The following CTSH variants were observed in gnomAD, a reference collection of about 807,000 sequenced individuals.
The protein encoded by CTSH is cathepsin H.
Under a neutral mutation model 56.3 loss-of-function variants are expected in CTSH, and 52 were observed. The observed-to-expected ratio is 0.92, with a 90% CI of 0.74 to 1.16. CTSH has a LOEUF of 1.16. CTSH is among the 50% of genes most tolerant of loss of function. CTSH has a pLI of 0.00. For synonymous variants in CTSH, 174 were observed against 155.7 expected, an observed-to-expected ratio of 1.12 and a Z score of -0.88; for missense variants, 406 against 424.5, an observed-to-expected ratio of 0.96 and a Z score of 0.38.
At chr15:78,927,570 T>C (rs2054938533) in intron 9 of CTSH, 143 bp downstream of exon 9, 2 of 708,886 alleles carry the variant, frequency 2.8e-6, no homozygotes, top group East Asian at 2.6e-5. Context: ...TCACAGCGAC[T>C]GAGACCCAGG....
At chr15:78,930,678 G>A (rs1217964496) in intron 7 of CTSH, among the ~76,000 whole-genome samples, 1 of 152,204 alleles carries the variant, frequency 6.6e-6, no homozygotes. Context: ...GGGACACTGA[G>A]CATGATGGTG....
At chr15:78,927,692 C>T (rs1401527447) in intron 9 of CTSH, 21 bp downstream of exon 9, 2 of 1,611,668 alleles carry the variant, frequency 1.2e-6, no homozygotes, top group Non-Finnish European at 1.7e-6. Context: ...TTCCCCATCC[C>T]AGAGGGGGAT....
intron 10 of CTSH, among the ~76,000 whole-genome samples, chr15:78,925,005 G>T (rs896495077): frequency 9.2e-5 from 14 of 151,870 alleles, no homozygotes; most frequent in East Asian, 7.8e-4. Context: ...CTGAACATGG[G>T]TTTTTTTTAA....
At chr15:78,937,450 T>C in intron 2 of CTSH, 27 bp from the exon 3 acceptor site, 2 of 1,590,300 alleles carry the variant, frequency 1.3e-6, no homozygotes, top group Non-Finnish European at 1.7e-6. Context: ...CAGTAGCAAG[T>C]CATGGAAACA....
At chr15:78,941,923 G>A (rs2055303151) in intron 1 of CTSH, among the ~76,000 whole-genome samples, 1 of 151,988 alleles carries the variant, frequency 6.6e-6, no homozygotes, top group African/African-American at 2.4e-5. Flanking sequence ...AAGTAAAATT[G>A]TATCAGAAAT....
chr15:78,930,324 G>A (rs754883350), intron 7 of CTSH, among the ~76,000 whole-genome samples: 13 of 152,136 alleles, frequency 8.5e-5, no homozygotes, highest in African/African-American at 1.9e-4. Context: ...TCAGGGGTTC[G>A]AGACTAGCCT....
intron 2 of CTSH, among the ~76,000 whole-genome samples, chr15:78,938,019 G>A (rs926021646): frequency 6.6e-6 from 1 of 152,156 alleles, no homozygotes; most frequent in Admixed American, 6.5e-5. Context: ...ACAAAATAAT[G>A]ATTGCTTACT....
At chr15:78,941,564 G>T in intron 1 of CTSH, among the ~76,000 whole-genome samples, 1 of 151,900 alleles carries the variant, frequency 6.6e-6, no homozygotes, top group Non-Finnish European at 1.5e-5. Flanking sequence ...AGGCTGAGAC[G>T]GGCGGATCAC....
At position 78,935,068 on chromosome 15, in the gene CTSH, G is replaced by C; in HGVS notation, c.315C>G (p.Thr105=). The change falls in exon 5 of 12, where the codon ACC becomes ACG. Residue 105 remains threonine, a synonymous_variant. Coordinates refer to ENST00000220166, the MANE Select transcript of CTSH (RefSeq NM_004390.5). The part of the protein sequence containing the change: ...LWSEPQNCSA[T]KSNYLRGTGP... ...CAGTACCTCGAAGGTAGTTACTTTTGGTGGCTGAGCAATTCTGGAACAACC... is the reference window on the plus strand; with the variant it reads ...CAGTACCTCGAAGGTAGTTACTTTTCGTGGCTGAGCAATTCTGGAACAACC... 1 of 1,613,378 alleles carries C rather than the reference G, an allele frequency of 6.2e-7. No homozygotes were observed.
chr15:78,932,304 G>A, intron 6 of CTSH, 68 bp downstream of exon 6: 1 of 1,433,640 alleles, frequency 7.0e-7, no homozygotes, highest in Non-Finnish European at 9.8e-7. Flanking sequence ...GGAAACCAAA[G>A]GCCCAGGCCT....
intron 10 of CTSH, among the ~76,000 whole-genome samples, chr15:78,924,937 C>A (rs1416068465): frequency 6.6e-6 from 1 of 150,890 alleles, no homozygotes; most frequent in Non-Finnish European, 1.5e-5. Flanking sequence ...CTCAAGTGAT[C>A]CACCTGCCTC....
chr15:78,943,450 G>A (rs534076178), intron 1 of CTSH, among the ~76,000 whole-genome samples: 5 of 152,040 alleles, frequency 3.3e-5, no homozygotes, highest in South Asian at 2.1e-4. Context: ...GGCTGCTCTC[G>A]AACTCCTGAC....
chr15:78,929,563 C>T (rs547239597), intron 7 of CTSH, 70 bp from the exon 8 acceptor site: 8 of 1,099,316 alleles, frequency 7.3e-6, no homozygotes, highest in East Asian at 5.5e-5. Context: ...CGGGGACTGG[C>T]GTGGCGAGAT....
Position 78,921,994 on chromosome 15 carries a change from G to T in CTSH, c.*136C>A. ...CTCCTTGTCTGTAGGTTTCCAGGCT[G>T]GGCACAGAGGTGAGGGCAGAATGTT... On this transcript the variant is annotated 3_prime_UTR_variant, in exon 12 of 12. Transcript: ENST00000220166. The T allele has an allele frequency of 1.4e-6, 1 of 735,144 alleles. No homozygotes were observed. The highest frequency in any genetic ancestry group is 2.2e-6 in the Non-Finnish European group (1 of 445,998). The allele number at this position is 735,144 out of a possible 1,614,324, so 45.5% of individuals were successfully genotyped here.
At chr15:78,934,185 C>T (rs540153074) in intron 5 of CTSH, among the ~76,000 whole-genome samples, 6 of 152,178 alleles carry the variant, frequency 3.9e-5, no homozygotes, top group African/African-American at 9.7e-5. Context: ...ACTGCAAGCC[C>T]GGGAGGCTTT....
intron 11 of CTSH, among the ~76,000 whole-genome samples, chr15:78,922,684 C>T (rs893030489): frequency 4.6e-5 from 7 of 152,348 alleles, no homozygotes; most frequent in African/African-American, 1.4e-4. Context: ...GACGGACCCT[C>T]CCAGACACTG....
In CTSH at chr15:78,929,623, G is replaced by A. The variant is rs971120153; in HGVS notation, c.549-130C>T. On this transcript the variant is annotated intron_variant, in intron 7 of 11. Coordinates refer to ENST00000220166, the MANE Select transcript of CTSH (RefSeq NM_004390.5). The stretch of plus-strand genomic sequence containing the variant: ...TGGTTGGGCATGTCCCAGTGGCAGA[G>A]GGGGTCTCTGAGAGGCCCAGCCTTG... The A allele has an allele frequency of 6.7e-6, 4 of 597,518 alleles. No individual in the cohort carries two copies. In the Admixed American group the frequency reaches 9.7e-5, roughly 14 times the overall value. The allele number at this position is 597,518 out of a possible 1,614,324, so 37.0% of individuals were successfully genotyped here. A position where few individuals can be genotyped will look rare whatever the true frequency, so the allele number is the denominator to read the frequency against.
At chr15:78,940,409 C>G (rs971986223) in intron 1 of CTSH, among the ~76,000 whole-genome samples, 1 of 151,914 alleles carries the variant, frequency 6.6e-6, no homozygotes, top group East Asian at 1.9e-4. Flanking sequence ...CAAAGTGAGA[C>G]CTCGTCTCTA....
chr15:78,925,462 A>G (rs745342404), intron 9 of CTSH, 22 bp from the exon 10 acceptor site: 110 of 1,516,898 alleles, frequency 7.3e-5, no homozygotes, highest in Non-Finnish European at 9.2e-5. Flanking sequence ...GGACCGAGAC[A>G]GAAACACATG....
Sources: gnomAD v4.1 joint callset for allele counts (sites outside exome capture counted in the v4.1 genomes callset) on GRCh38, gnomAD v4.1.1 for gene constraint, MANE v1.5 for transcripts, NCBI Gene and HGNC (gene_info 2026-07-23, HGNC 2026-07-21) for gene names.